The following TMEFF1 variants were observed in gnomAD, a reference collection of about 807,000 sequenced individuals.
TMEFF1 encodes the protein transmembrane protein with EGF like and two follistatin like domains 1.
In TMEFF1, 20 loss-of-function variants were observed where a neutral mutation model predicts 47.5. The ratio of observed to expected loss-of-function variants is 0.42; its 90% CI spans 0.30 to 0.61. The LOEUF (loss-of-function observed/expected upper bound fraction) is 0.61. Among genes scored for constraint, TMEFF1 ranks in the 20% least tolerant of loss-of-function variants. The pLI is 0.19. For synonymous variants in TMEFF1, 162 were observed against 166.3 expected (o/e 0.97, Z 0.20); for missense variants, 411 against 471.1 (o/e 0.87, Z 1.18).
intron 1 of TMEFF1, among the ~76,000 whole-genome samples, chr9:100,490,156 G>A (rs542959701): frequency 6.6e-6 from 1 of 152,288 alleles, no homozygotes; most frequent in African/African-American, 2.4e-5. Context: ...TGTGGCATAT[G>A]TGAAATTTCT....
intron 5 of TMEFF1, among the ~76,000 whole-genome samples, chr9:100,543,755 TA>T (rs1838680068): frequency 7.0e-6 from 1 of 143,634 alleles, no homozygotes; most frequent in Non-Finnish European, 1.5e-5. Context: ...ACAAATCTCA[TA>T]ATGTTTTAAG....
intron 5 of TMEFF1, among the ~76,000 whole-genome samples, chr9:100,536,415 C>A (rs115614464): frequency 6.6e-6 from 1 of 151,994 alleles, no homozygotes; most frequent in Non-Finnish European, 1.5e-5. Context: ...ACAAAAAAAA[C>A]GAAGAGAAAT....
chr9:100,521,377 G>A (rs556344640), intron 5 of TMEFF1, among the ~76,000 whole-genome samples: 142 of 152,268 alleles, frequency 9.3e-4, no homozygotes, highest in Admixed American at 1.9e-3. Flanking sequence ...ATACCTAGAG[G>A]TGTAGGTGGT....
chr9:100,488,949 G>A lies in TMEFF1; in HGVS notation c.197-9816G>A, dbSNP rs181024175. 3.3e-3 allele frequency among the ~76,000 whole-genome samples: 495 copies of A among 152,074 alleles called. 3 individuals are homozygous for A. Among genetic ancestry groups the A allele is most frequent in the Admixed American group, 7.7e-3 (118 of 15,280 alleles). ...ATAATGTAAAATTCAGCATGTTAAA[G>A]TATACAATTCAGTGGTTTTCGTACA... On this transcript the variant is annotated intron_variant, in intron 1 of 9. Transcript: ENST00000374879.
chr9:100,546,973 C>A (rs2118507085), intron 5 of TMEFF1, among the ~76,000 whole-genome samples: 1 of 152,196 alleles, frequency 6.6e-6, no homozygotes, highest in Non-Finnish European at 1.5e-5. Context: ...TTACATATTT[C>A]ATGTCTATTA....
chr9:100,534,285 C>T (rs1838462063), intron 5 of TMEFF1, among the ~76,000 whole-genome samples: 1 of 152,180 alleles, frequency 6.6e-6, no homozygotes, highest in African/African-American at 2.4e-5. Flanking sequence ...CTGGTCTCAG[C>T]CCCTCACTGG....
chr9:100,575,340 C>T (rs1006479473), intron 9 of TMEFF1, among the ~76,000 whole-genome samples: 3 of 152,074 alleles, frequency 2.0e-5, no homozygotes, highest in African/African-American at 7.2e-5. Context: ...GACAGATTGT[C>T]AGGAACCTTG....
chr9:100,531,998 C>A (rs1281220598), intron 5 of TMEFF1, among the ~76,000 whole-genome samples: 1 of 150,878 alleles, frequency 6.6e-6, no homozygotes, highest in East Asian at 1.9e-4. Context: ...GGAAAGGATT[C>A]CCTATTTAAT....
chr9:100,553,263 G>GT (rs1201711047), intron 7 of TMEFF1, among the ~76,000 whole-genome samples: 2 of 152,058 alleles, frequency 1.3e-5, no homozygotes, highest in African/African-American at 4.8e-5. Flanking sequence ...AGGTTAAAAG[G>GT]TAACTCTATT....
intron 1 of TMEFF1, among the ~76,000 whole-genome samples, chr9:100,495,612 T>C (rs1837637305): frequency 6.6e-6 from 1 of 152,210 alleles, no homozygotes; most frequent in Non-Finnish European, 1.5e-5. Flanking sequence ...TAGTAGATGC[T>C]TAGTAATGGC....
intron 9 of TMEFF1, among the ~76,000 whole-genome samples, chr9:100,574,642 G>T (rs1447506000): frequency 1.3e-5 from 2 of 152,088 alleles, no homozygotes; most frequent in African/African-American, 4.8e-5. Flanking sequence ...CTCGCAAAGT[G>T]CTGGGATTGT....
At chr9:100,569,143 G>A (rs1175849010) in intron 8 of TMEFF1, among the ~76,000 whole-genome samples, 2 of 152,152 alleles carry the variant, frequency 1.3e-5, no homozygotes, top group East Asian at 3.8e-4. Context: ...ATTTTGAGGA[G>A]CTGCCAGACC....
chr9:100,513,410 T>TTTTTTTTTTTTA, intron 4 of TMEFF1, 77 bp downstream of exon 4: 1 of 1,225,144 alleles, frequency 8.2e-7, no homozygotes, highest in Non-Finnish European at 1.1e-6. Context: ...TTTTTTTTTT[T>TTTTTTTTTTTTA]AAATCAGCTT....
intron 1 of TMEFF1, among the ~76,000 whole-genome samples, chr9:100,495,352 T>TA (rs1384453622): frequency 6.6e-6 from 1 of 152,208 alleles, no homozygotes; most frequent in Non-Finnish European, 1.5e-5. Flanking sequence ...TTTATTATGA[T>TA]AAAAAAGCCT....
In TMEFF1 at chr9:100,516,648, G is replaced by A. The variant is rs559096025; in HGVS notation, c.464-27G>A. On this transcript the variant is annotated intron_variant, in intron 4 of 9. Transcript: ENST00000374879. ...CTGGAAAGGATCCCAACTTTTGGTT[G>A]TAAATTTGATTTTTCTTTTTAAACA... is the stretch of plus-strand genomic sequence containing the variant. 6.7e-5 allele frequency: 107 copies of A among 1,603,416 alleles called. 1 individual carries two copies. In the South Asian group the frequency reaches 1.1e-3, roughly 17 times the overall value.
chr9:100,562,304 T>C (rs528342052), intron 8 of TMEFF1, among the ~76,000 whole-genome samples: 15 of 152,284 alleles, frequency 9.9e-5, no homozygotes, highest in Non-Finnish European at 1.5e-4. Flanking sequence ...ACTATACTTT[T>C]CTTTTGTTTG....
chr9:100,489,305 G>C (rs1837507787), intron 1 of TMEFF1, among the ~76,000 whole-genome samples: 1 of 151,946 alleles, frequency 6.6e-6, no homozygotes, highest in African/African-American at 2.4e-5. Context: ...CCTCCGGCTC[G>C]TGATTCTCCT....
chr9:100,541,671 T>C lies in TMEFF1; in HGVS notation c.561-6073T>C, dbSNP rs530470314. 2.6e-5 allele frequency among the ~76,000 whole-genome samples: 4 copies of C among 152,236 alleles called. No individual in the cohort carries two copies. The East Asian group carries it at 7.7e-4, about 29-fold the overall frequency. On this transcript the variant is annotated intron_variant, in intron 5 of 9. Transcript: ENST00000374879. ...GATTACAGGTATGAGCCACCACGCC[T>C]GGCCAGATTTGGCAATTTCTTATTG... is the stretch of plus-strand genomic sequence containing the variant.
intron 1 of TMEFF1, among the ~76,000 whole-genome samples, chr9:100,492,074 C>T (rs34400489): frequency 0.026 from 3,884 of 151,908 alleles, 63 homozygotes; most frequent in Middle Eastern, 0.034. Flanking sequence ...TTAGTAGAGA[C>T]GGGGTTTCAT....
Sources: gnomAD v4.1 joint callset for allele counts (sites outside exome capture counted in the v4.1 genomes callset) on GRCh38, gnomAD v4.1.1 for gene constraint, MANE v1.5 for transcripts, NCBI Gene and HGNC (gene_info 2026-07-23, HGNC 2026-07-21) for gene names.